Variants in FARP2 observed in about 807,000 individuals in gnomAD.
FARP2 encodes FERM, ARH/RhoGEF and pleckstrin domain protein 2.
Under a neutral mutation model 130.5 loss-of-function variants are expected in FARP2, and 111 were observed. The ratio of observed to expected loss-of-function variants is 0.85; its 90% confidence interval spans 0.73 to 1.00. FARP2 has a LOEUF of 1.00. FARP2 is among the 50% of genes least tolerant of loss of function. FARP2 has a pLI of 0.00. For missense variants in FARP2, 1,385 were observed against 1,346.3 expected (o/e 1.03, Z -0.45); for synonymous variants, 504 against 516.9 (o/e 0.98, Z 0.34).
At chr2:241,367,925 C>G (rs2061349724) in intron 1 of FARP2, among the ~76,000 whole-genome samples, 1 of 151,094 alleles carries the variant, frequency 6.6e-6, no homozygotes, top group Non-Finnish European at 1.5e-5. Flanking sequence ...AGGTTAATAG[C>G]AAAATTAAGC....
At chr2:241,380,089 G>A (rs2061625922) in intron 2 of FARP2, among the ~76,000 whole-genome samples, 1 of 152,200 alleles carries the variant, frequency 6.6e-6, no homozygotes, top group Admixed American at 6.5e-5. Flanking sequence ...GACTGATGAA[G>A]AAGTTAGGCC....
intron 24 of FARP2, among the ~76,000 whole-genome samples, chr2:241,492,368 T>G (rs927329986): frequency 1.3e-5 from 2 of 152,060 alleles, no homozygotes; most frequent in Non-Finnish European, 2.9e-5. Context: ...ACACCTGAGA[T>G]CTAAGCAGGG....
rs1297887434 is a variant in FARP2 at position 241,464,775 on chromosome 2, G to GGGTCTCCTCAGAACTC, written c.1893+796_1893+811dup. Among the ~76,000 whole-genome samples, 9 of 152,000 alleles carry GGGTCTCCTCAGAACTC rather than the reference G, an allele frequency of 5.9e-5. 1 individual carries two copies. Among genetic ancestry groups the GGGTCTCCTCAGAACTC allele is most frequent in the Non-Finnish European group, 1.3e-4 (9 of 67,990 alleles). ...CCAGAACAGCATCACCCTCAGAACA[G>GGGTCTCCTCAGAACTC]GGTCTCCTCAGAACTCTATCTTCCT... On this transcript the variant is annotated intron_variant, in intron 17 of 26. Coordinates refer to ENST00000264042, the MANE Select transcript of FARP2 (RefSeq NM_014808.4).
At chr2:241,392,533 C>T (rs2061931773) in intron 2 of FARP2, among the ~76,000 whole-genome samples, 1 of 152,130 alleles carries the variant, frequency 6.6e-6, no homozygotes, top group Admixed American at 6.5e-5. Context: ...TCAGTTTTTG[C>T]CCACATCTCA....
intron 2 of FARP2, among the ~76,000 whole-genome samples, chr2:241,389,701 T>C (rs1020453196): frequency 6.6e-6 from 1 of 152,250 alleles, no homozygotes; most frequent in Non-Finnish European, 1.5e-5. Context: ...TACTGTAGTT[T>C]TGTGCTCTTG....
intron 1 of FARP2, among the ~76,000 whole-genome samples, chr2:241,367,670 A>G (rs1248035726): frequency 1.3e-5 from 2 of 152,148 alleles, no homozygotes; most frequent in South Asian, 2.1e-4. Flanking sequence ...CAAAGCAGAC[A>G]GTGAAAAATA....
Position 241,442,680 on chromosome 2 carries a change from T to C in FARP2, c.1411+1124T>C, listed in dbSNP as rs1040808045. The C allele has an allele frequency of 2.4e-5, 8 of 339,576 alleles. No individual in the cohort carries two copies. In the East Asian group the frequency reaches 6.3e-4, roughly 27 times the overall value. 21.0% of individuals were successfully genotyped at this position (339,576 alleles called of 1,614,324 possible). A position where few individuals can be genotyped will look rare whatever the true frequency, so the allele number is the denominator to read the frequency against. ...TTAATTTCCTGATTTATTATACTTTTTTGAATGTCAAAAAATTTGACCTTT... is the reference window on the plus strand; with the variant it reads ...TTAATTTCCTGATTTATTATACTTTCTTGAATGTCAAAAAATTTGACCTTT... On this transcript the variant is annotated intron_variant, in intron 13 of 26. Transcript: ENST00000264042.
intron 6 of FARP2, among the ~76,000 whole-genome samples, chr2:241,412,255 A>G (rs1158815664): frequency 6.6e-6 from 1 of 152,202 alleles, no homozygotes; most frequent in East Asian, 1.9e-4. Context: ...CACTATTACA[A>G]GAACAGCACG....
At position 241,434,145 on chromosome 2, in the gene FARP2, G is replaced by T. The variant is rs542713014; in HGVS notation, c.868-13G>T. ...CATTCTTGAATTAATTAACCTTTGT[G>T]TTTTGTTTCTAGGGACCTTACCAGG... is the stretch of plus-strand genomic sequence containing the variant. On this transcript the variant is annotated splice_polypyrimidine_tract_variant and intron_variant, in intron 9 of 26. Transcript: ENST00000264042. 6.9e-6 allele frequency: 11 copies of T among 1,584,222 alleles called. No individual in the cohort carries two copies. The highest frequency in any genetic ancestry group is 8.6e-6 in the Non-Finnish European group (10 of 1,165,644).
intron 11 of FARP2, 27 bp downstream of exon 11, chr2:241,435,057 G>T (rs773747992): frequency 1.2e-5 from 17 of 1,362,908 alleles, no homozygotes; most frequent in Non-Finnish European, 1.7e-5. Flanking sequence ...ATGATGTAAA[G>T]TGTGTGCTTT....
intron 18 of FARP2, among the ~76,000 whole-genome samples, chr2:241,472,613 C>T (rs899087465): frequency 1.3e-5 from 2 of 150,542 alleles, no homozygotes; most frequent in Admixed American, 6.6e-5. Flanking sequence ...CTGAGGAGAC[C>T]GTGTTCTGTA....
intron 2 of FARP2, among the ~76,000 whole-genome samples, chr2:241,400,272 A>G (rs2062134134): frequency 1.3e-5 from 2 of 152,194 alleles, no homozygotes; most frequent in Non-Finnish European, 1.5e-5. Context: ...TGCCACCTGA[A>G]GTGCACACTC....
intron 13 of FARP2, among the ~76,000 whole-genome samples, chr2:241,449,854 A>C (rs892304383): frequency 2.0e-5 from 3 of 151,936 alleles, no homozygotes; most frequent in African/African-American, 4.8e-5. Flanking sequence ...CACACACACA[A>C]AAATTAGCTA....
intron 2 of FARP2, among the ~76,000 whole-genome samples, chr2:241,394,098 C>G (rs1017397678): frequency 5.9e-5 from 9 of 152,118 alleles, no homozygotes; most frequent in Admixed American, 2.6e-4. Flanking sequence ...CAGGGAGAAT[C>G]TTGTTTCATC....
chr2:241,478,755 A>C (rs1202482154), intron 19 of FARP2: 1 of 439,434 alleles, frequency 2.3e-6, no homozygotes, highest in African/African-American at 2.0e-5. Context: ...CCCATGAAGC[A>C]TGTGTACCAC....
chr2:241,361,728 A>G (rs1275332267), intron 1 of FARP2, among the ~76,000 whole-genome samples: 1 of 152,116 alleles, frequency 6.6e-6, no homozygotes, highest in Non-Finnish European at 1.5e-5. Context: ...CCCTGGCTTG[A>G]TGCCAGATAA....
In FARP2 at chr2:241,402,839, TATATATATATATATATATATA is replaced by T. The variant is rs2062208379; in HGVS notation, c.184-988_184-968del. Among the ~76,000 whole-genome samples the T allele has an allele frequency of 5.9e-3, 181 of 30,846 alleles. 8 individuals are homozygous for T. Among genetic ancestry groups the T allele is most frequent in the South Asian group, 0.034 (24 of 700 alleles). The allele number at this position is 30,846 out of a possible 152,430, so 20.2% of individuals were successfully genotyped here. On this transcript the variant is annotated intron_variant, in intron 2 of 26. Transcript: ENST00000264042. ...CACGCCACTACACCCAGCTAATTTA[TATATATATATATATATATATA>T]TATATATATATATATATATATTTTT...
chr2:241,469,407 A>G (rs893467217), intron 18 of FARP2, among the ~76,000 whole-genome samples: 1 of 152,040 alleles, frequency 6.6e-6, no homozygotes, highest in Non-Finnish European at 1.5e-5. Context: ...AAATTTTATC[A>G]TTGTCATTAA....
intron 23 of FARP2, 115 bp downstream of exon 23, chr2:241,491,294 C>A: frequency 1.1e-6 from 1 of 901,142 alleles, no homozygotes; most frequent in Non-Finnish European, 1.8e-6. Flanking sequence ...AATCCCCTTC[C>A]ACAAGGAATG....
Sources: allele counts gnomAD v4.1 joint callset (sites outside exome capture counted in the v4.1 genomes callset), GRCh38; gene constraint gnomAD v4.1.1; transcripts MANE v1.5; gene names NCBI Gene and HGNC (gene_info 2026-07-23, HGNC 2026-07-21).